Variants in YWHAQ observed in about 807,000 individuals in gnomAD.
The protein encoded by YWHAQ is tyrosine 3-monooxygenase/tryptophan 5-monooxygenase activation protein theta.
In YWHAQ, 6 loss-of-function variants were observed where a neutral mutation model predicts 28.3. That is an observed-to-expected ratio of 0.21 (90% CI 0.12 to 0.42). The LOEUF is 0.42. YWHAQ is among the 10% of genes least tolerant of loss of function. The probability of loss-of-function intolerance (pLI) is 1.00; values close to 1 mark genes in which losing one functional copy is unlikely to be tolerated. For synonymous variants in YWHAQ, 143 were observed against 119.1 expected (o/e 1.20, Z -1.31); for missense variants, 201 against 305.6 (o/e 0.66, Z 2.55).
At chr2:9,595,412 T>C (rs905150500) in intron 2 of YWHAQ, among the ~76,000 whole-genome samples, 1 of 151,970 alleles carries the variant, frequency 6.6e-6, no homozygotes, top group African/African-American at 2.4e-5. Context: ...TTCCCAGAAG[T>C]CAGGAGCGAG....
At chr2:9,620,354 C>T (rs1667119744) in intron 2 of YWHAQ, among the ~76,000 whole-genome samples, 1 of 152,190 alleles carries the variant, frequency 6.6e-6, no homozygotes, top group Admixed American at 6.5e-5. Context: ...AAATACTACT[C>T]ATCTGGATAG....
chr2:9,592,016 G>T (rs1463507658), intron 2 of YWHAQ, among the ~76,000 whole-genome samples: 1 of 152,170 alleles, frequency 6.6e-6, no homozygotes, highest in Non-Finnish European at 1.5e-5. Context: ...CCCAGGGAAA[G>T]AGTATTTGAG....
Position 9,588,480 on chromosome 2 carries a change from C to A in YWHAQ, c.419-152G>T, listed in dbSNP as rs1023542825. 1.5e-5 allele frequency: 15 copies of A among 972,424 alleles called. No individual in the cohort carries two copies. The South Asian group carries it at 2.1e-4, about 14-fold the overall frequency. 60.2% of individuals were successfully genotyped at this position (972,424 alleles called of 1,614,324 possible). ...TAAAATCATGGTAGCTAACAAAAAA[C>A]ATTATCGTGGCCAGGCGCGGTGGCT... On this transcript the variant is annotated intron_variant, in intron 3 of 5. Coordinates refer to ENST00000238081, the MANE Select transcript of YWHAQ (RefSeq NM_006826.4).
intron 5 of YWHAQ, 69 bp from the exon 6 acceptor site, chr2:9,585,414 T>C: frequency 6.5e-7 from 1 of 1,534,850 alleles, no homozygotes; most frequent in Non-Finnish European, 9.0e-7. Context: ...AGTATTGTTA[T>C]ATCAAAATTA....
intron 2 of YWHAQ, among the ~76,000 whole-genome samples, chr2:9,593,905 A>AAAAAAAAT (rs1205661739): frequency 7.5e-4 from 96 of 127,628 alleles, no homozygotes; most frequent in African/African-American, 2.8e-3. Flanking sequence ...GATTAAAAAA[A>AAAAAAAAT]ATATATATAT....
chr2:9,589,277 C>T (rs1666409158), intron 3 of YWHAQ, among the ~76,000 whole-genome samples: 1 of 152,156 alleles, frequency 6.6e-6, no homozygotes, highest in Admixed American at 6.5e-5. Flanking sequence ...CTTGGAAATG[C>T]AGCAATTAAA....
chr2:9,612,522 G>T (rs972122225), intron 2 of YWHAQ, among the ~76,000 whole-genome samples: 5 of 152,168 alleles, frequency 3.3e-5, no homozygotes, highest in African/African-American at 1.2e-4. Context: ...GTTATTCTGT[G>T]TGCCATTACA....
intron 2 of YWHAQ, chr2:9,615,195 C>T (rs1019579272): frequency 7.9e-5 from 12 of 152,036 alleles, no homozygotes; most frequent in African/African-American, 2.9e-4. Flanking sequence ...ATCTCATTAC[C>T]AAACTTGGTG....
intron 5 of YWHAQ, among the ~76,000 whole-genome samples, chr2:9,586,112 G>A (rs1469193370): frequency 6.6e-6 from 1 of 152,108 alleles, no homozygotes; most frequent in Non-Finnish European, 1.5e-5. Context: ...AGTGTGTGAA[G>A]GGCTAAACTA....
At chr2:9,616,348 A>C (rs1191932222) in intron 2 of YWHAQ, among the ~76,000 whole-genome samples, 1 of 152,158 alleles carries the variant, frequency 6.6e-6, no homozygotes, top group Non-Finnish European at 1.5e-5. Flanking sequence ...ACAGGAGCTA[A>C]AATGATAAAA....
At chr2:9,619,228 A>C (rs939013608) in intron 2 of YWHAQ, among the ~76,000 whole-genome samples, 1 of 152,212 alleles carries the variant, frequency 6.6e-6, no homozygotes, top group African/African-American at 2.4e-5. Flanking sequence ...ACAAAAAATA[A>C]ATCACTAAGT....
At chr2:9,605,326 A>G (rs917230413) in intron 2 of YWHAQ, among the ~76,000 whole-genome samples, 1 of 151,378 alleles carries the variant, frequency 6.6e-6, no homozygotes, top group Admixed American at 6.6e-5. Flanking sequence ...TTTTGTAGAG[A>G]TGGGGTTTTG....
chr2:9,608,960 C>CA (rs1265425369), intron 2 of YWHAQ, among the ~76,000 whole-genome samples: 1 of 152,032 alleles, frequency 6.6e-6, no homozygotes, highest in Non-Finnish European at 1.5e-5. Context: ...AACAAACAAA[C>CA]AAACAAAAAT....
At chr2:9,600,363 A>G (rs1396936214) in intron 2 of YWHAQ, among the ~76,000 whole-genome samples, 1 of 152,226 alleles carries the variant, frequency 6.6e-6, no homozygotes, top group Non-Finnish European at 1.5e-5. Flanking sequence ...ATTTTGAAAG[A>G]AATTCTATTC....
intron 4 of YWHAQ, among the ~76,000 whole-genome samples, chr2:9,587,902 T>A (rs1666378457): frequency 6.6e-6 from 1 of 152,242 alleles, no homozygotes; most frequent in Non-Finnish European, 1.5e-5. Flanking sequence ...TAATCTTTTA[T>A]GTTTCCTTCT....
intron 2 of YWHAQ, among the ~76,000 whole-genome samples, chr2:9,599,274 A>G (rs1666640351): frequency 6.6e-6 from 1 of 152,208 alleles, no homozygotes; most frequent in African/African-American, 2.4e-5. Context: ...CCAGAACATA[A>G]AAGTACAAGC....
At chr2:9,593,561 C>T (rs1314339037) in intron 2 of YWHAQ, among the ~76,000 whole-genome samples, 1 of 151,914 alleles carries the variant, frequency 6.6e-6, no homozygotes, top group African/African-American at 2.4e-5. Flanking sequence ...CAGCTCACAC[C>T]TACCATCCAA....
chr2:9,627,131 A>T (rs1158502983), intron 2 of YWHAQ, among the ~76,000 whole-genome samples: 1 of 152,090 alleles, frequency 6.6e-6, no homozygotes, highest in Non-Finnish European at 1.5e-5. Flanking sequence ...CGGTTCAGTA[A>T]CCTCTTTCAA....
chr2:9,622,024 C>T (rs1454005035), intron 2 of YWHAQ, among the ~76,000 whole-genome samples: 3 of 151,974 alleles, frequency 2.0e-5, no homozygotes, highest in East Asian at 1.9e-4. Context: ...CATCACACAG[C>T]GGGGACTGTC....
Sources: allele counts gnomAD v4.1 joint callset (sites outside exome capture counted in the v4.1 genomes callset), GRCh38; gene constraint gnomAD v4.1.1; transcripts MANE v1.5; gene names NCBI Gene and HGNC (gene_info 2026-07-23, HGNC 2026-07-21).